The following EPHA5 variants were observed in gnomAD, a reference collection of about 807,000 sequenced individuals.
EPHA5 encodes ephrin type-A receptor 5.
EPHA5 carries 60 observed loss-of-function variants against 105.0 expected under a neutral mutation model. The observed-to-expected ratio is 0.57, with a 90% confidence interval of 0.46 to 0.71. The LOEUF (loss-of-function observed/expected upper bound fraction) is 0.71, where lower values mean the gene tolerates loss of function less well. Ranked by LOEUF, EPHA5 falls within the 30% of genes least tolerant of loss-of-function variation. The pLI, the probability that EPHA5 is intolerant of heterozygous loss-of-function variation, is 0.00. For synonymous variants in EPHA5, 513 were observed against 449.1 expected, an observed-to-expected ratio of 1.14 and a Z score of -1.80; for missense variants, 1,218 against 1,274.7, an observed-to-expected ratio of 0.96 and a Z score of 0.68.
intron 3 of EPHA5, among the ~76,000 whole-genome samples, chr4:65,496,273 C>T (rs1214688906): frequency 6.6e-6 from 1 of 151,580 alleles, no homozygotes; most frequent in Non-Finnish European, 1.5e-5. Flanking sequence ...TACATGTGCA[C>T]AATGTGCAGG....
chr4:65,545,416 A>C (rs1447154943), intron 3 of EPHA5, among the ~76,000 whole-genome samples: 1 of 152,056 alleles, frequency 6.6e-6, no homozygotes, highest in South Asian at 2.1e-4. Context: ...GTCTTGACTA[A>C]CACACATCTC....
In EPHA5 at chr4:65,325,334, T is replaced by C. The variant is rs150974398; in HGVS notation, c.2946-1115A>G. Among the ~76,000 whole-genome samples the C allele has an allele frequency of 4.2e-4, 64 of 151,462 alleles. No individual in the cohort carries two copies. The East Asian group carries it at 1.0e-2, about 24-fold the overall frequency. ...ACTCTTAATTATCAGAGAATAGAAA[T>C]TAAAGGATGCTAAGGCTCTGTGTAT... On this transcript the variant is annotated intron_variant, in intron 16 of 16. Transcript: ENST00000613740.
At chr4:65,377,253 A>T (rs780808069) in intron 8 of EPHA5, among the ~76,000 whole-genome samples, 1 of 152,026 alleles carries the variant, frequency 6.6e-6, no homozygotes, top group Non-Finnish European at 1.5e-5. Flanking sequence ...TAAGAAATAT[A>T]GAGTTGTAGT....
intron 3 of EPHA5, among the ~76,000 whole-genome samples, chr4:65,598,931 G>A (rs1270288540): frequency 1.3e-5 from 2 of 152,010 alleles, no homozygotes; most frequent in African/African-American, 2.4e-5. Flanking sequence ...TGTCTTAAAG[G>A]AAACCACTGA....
intron 1 of EPHA5, among the ~76,000 whole-genome samples, chr4:65,661,024 T>G (rs764594175): frequency 1.8e-4 from 28 of 152,116 alleles, no homozygotes; most frequent in Non-Finnish European, 3.4e-4. Flanking sequence ...CAACCTATAT[T>G]TGTGTATTGC....
intron 5 of EPHA5, among the ~76,000 whole-genome samples, chr4:65,462,871 A>G (rs575748143): frequency 1.3e-5 from 2 of 152,236 alleles, no homozygotes; most frequent in South Asian, 4.1e-4. Flanking sequence ...ATACCCTACT[A>G]TATGCATTAT....
rs202108966 is a variant in EPHA5 at position 65,476,404 on chromosome 4, C to CA, written c.1402+13972dup. Among the ~76,000 whole-genome samples, 413 of 151,158 alleles carry CA rather than the reference C, an allele frequency of 2.7e-3. 2 individuals carry two copies. Among genetic ancestry groups the CA allele is most frequent in the African/African-American group, 8.5e-3 (352 of 41,232 alleles). ...TCTTCCATGGAACACTACACAGCCA[C>CA]AAAAAAAACAAAATCATGTCTTTTG... On this transcript the variant is annotated intron_variant, in intron 5 of 16. Coordinates refer to ENST00000613740, the MANE Select transcript of EPHA5 (RefSeq NM_001281766.3).
rs147994811 is a variant in EPHA5, at chr4:65,430,489, G to C, written c.1403-9924C>G. Among the ~76,000 whole-genome samples the C allele has an allele frequency of 5.4e-3, 821 of 152,100 alleles. 9 individuals carry two copies. The highest frequency in any genetic ancestry group is 0.019 in the African/African-American group (789 of 41,530). The stretch of plus-strand genomic sequence containing the variant: ...TGAATACATAGATAATGAGGCTACT[G>C]TAATTGCTGTACCATAAGAATACAT... On this transcript the variant is annotated intron_variant, in intron 5 of 16. Transcript: ENST00000613740.
chr4:65,582,204 T>C (rs764996311), intron 3 of EPHA5, among the ~76,000 whole-genome samples: 45 of 151,734 alleles, frequency 3.0e-4, no homozygotes, highest in Non-Finnish European at 6.1e-4. Flanking sequence ...ATAAGATAGA[T>C]ATGTATAAAA....
chr4:65,388,436 A>G (rs1720352269), intron 8 of EPHA5, among the ~76,000 whole-genome samples: 1 of 150,546 alleles, frequency 6.6e-6, no homozygotes, highest in South Asian at 2.1e-4. Context: ...TCCCACCAAC[A>G]GTGTAAAAGT....
chr4:65,483,496 A>G (rs879749594), intron 5 of EPHA5, among the ~76,000 whole-genome samples: 7 of 152,042 alleles, frequency 4.6e-5, no homozygotes, highest in Non-Finnish European at 8.8e-5. Flanking sequence ...AAGTGTTCCC[A>G]TTTCTCCACA....
At chr4:65,622,741 T>C (rs1443437766) in intron 2 of EPHA5, among the ~76,000 whole-genome samples, 1 of 152,074 alleles carries the variant, frequency 6.6e-6, no homozygotes, top group Non-Finnish European at 1.5e-5. Flanking sequence ...ATGAGGAACA[T>C]AACTCCTGTA....
chr4:65,334,771 T>C (rs1389186913), intron 15 of EPHA5, among the ~76,000 whole-genome samples: 1 of 151,936 alleles, frequency 6.6e-6, no homozygotes, highest in Non-Finnish European at 1.5e-5. Flanking sequence ...GCTGTAATAA[T>C]GATGCCTATA....
chr4:65,615,558 A>G (rs1407147914), intron 2 of EPHA5, among the ~76,000 whole-genome samples: 2 of 151,910 alleles, frequency 1.3e-5, no homozygotes, highest in African/African-American at 4.8e-5. Context: ...TACCTTCCAA[A>G]TGAAAGATCA....
At position 65,396,218 on chromosome 4, in the gene EPHA5, C is replaced by T. The variant is rs184200142; in HGVS notation, c.1793+8156G>A. 1.3e-3 allele frequency among the ~76,000 whole-genome samples: 203 copies of T among 152,272 alleles called. 1 individual carries two copies. The highest frequency in any genetic ancestry group is 4.1e-3 in the African/African-American group (171 of 41,546). On this transcript the variant is annotated intron_variant, in intron 8 of 16. Coordinates refer to ENST00000613740, the MANE Select transcript of EPHA5 (RefSeq NM_001281766.3). ...AAAACCTTGCTGGTGTGTGTGCATT[C>T]GGGGCAGTGCTGACACACCAACCCC...
chr4:65,482,577 C>G (rs1031887678), intron 5 of EPHA5, among the ~76,000 whole-genome samples: 1 of 152,068 alleles, frequency 6.6e-6, no homozygotes, highest in African/African-American at 2.4e-5. Context: ...AAACACAGTA[C>G]TCTAGCATGC....
chr4:65,408,822 C>A (rs988554277), intron 7 of EPHA5, among the ~76,000 whole-genome samples: 8 of 151,750 alleles, frequency 5.3e-5, no homozygotes, highest in Non-Finnish European at 1.0e-4. Context: ...CCATTTGACC[C>A]AGCCATCCCA....
At chr4:65,549,996 A>G (rs1040257451) in intron 3 of EPHA5, among the ~76,000 whole-genome samples, 10 of 152,118 alleles carry the variant, frequency 6.6e-5, no homozygotes, top group African/African-American at 2.2e-4. Context: ...AATCCTCTAT[A>G]TTACTACAAA....
At chr4:65,433,829 G>T (rs1426589953) in intron 5 of EPHA5, among the ~76,000 whole-genome samples, 2 of 152,080 alleles carry the variant, frequency 1.3e-5, no homozygotes, top group African/African-American at 4.8e-5. Context: ...ATTTTGGGAG[G>T]CCTAGGCAGG....
Sources: gnomAD v4.1 joint callset for allele counts (sites outside exome capture counted in the v4.1 genomes callset) on GRCh38, gnomAD v4.1.1 for gene constraint, MANE v1.5 for transcripts, NCBI Gene and HGNC (gene_info 2026-07-23, HGNC 2026-07-21) for gene names.